Variants in MYH11 observed in about 807,000 individuals in gnomAD.
MYH11 encodes the protein myosin heavy chain 11.
A neutral mutation model predicts 246.6 loss-of-function variants in MYH11; 80 were observed. The ratio of observed to expected loss-of-function variants is 0.32; its 90% CI spans 0.27 to 0.39. The LOEUF (loss-of-function observed/expected upper bound fraction) is 0.39. Among genes scored for constraint, MYH11 ranks in the 10% least tolerant of loss-of-function variants. The pLI, the probability that MYH11 is intolerant of heterozygous loss-of-function variation, is 1.00. For synonymous variants in MYH11, 1,071 were observed against 1,015.5 expected, an observed-to-expected ratio of 1.05 and a Z score of -1.04; for missense variants, 2,158 against 2,546.8, an observed-to-expected ratio of 0.85 and a Z score of 3.29.
intron 2 of MYH11, among the ~76,000 whole-genome samples, chr16:15,824,936 A>T (rs895396568): frequency 2.0e-5 from 3 of 152,176 alleles, no homozygotes; most frequent in Admixed American, 2.0e-4. Flanking sequence ...TCACCAGGTT[A>T]CACAGCTGGA....
intron 3 of MYH11, among the ~76,000 whole-genome samples, chr16:15,818,258 T>C (rs2043311189): frequency 4.6e-5 from 7 of 151,604 alleles, no homozygotes; most frequent in Admixed American, 3.3e-4. Flanking sequence ...CGCAGCCCAG[T>C]GACTTAACAG....
At chr16:15,715,423 C>A (rs1032103033) in intron 38 of MYH11, 151 bp from the exon 39 acceptor site, 69 of 743,278 alleles carry the variant, frequency 9.3e-5, no homozygotes, top group Admixed American at 4.1e-5. Flanking sequence ...TAGTATTCAG[C>A]CATGAAAAGG....
At chr16:15,840,218 A>G (rs528497854) in intron 1 of MYH11, among the ~76,000 whole-genome samples, 24 of 152,352 alleles carry the variant, frequency 1.6e-4, no homozygotes, top group African/African-American at 5.8e-4. Flanking sequence ...AAAACTCATT[A>G]AGAATGTTCT....
Position 15,721,352 on chromosome 16 carries a change from T to C in MYH11, c.4578+70A>G, listed in dbSNP as rs1044210791. The stretch of plus-strand genomic sequence containing the variant: ...AAAAAGGCCAGGAGCTAGCCTCGCA[T>C]GGACTGGTGAATAGCACAGAGGGTG... On this transcript the variant is annotated intron_variant, in intron 32 of 40. Coordinates refer to ENST00000300036, the MANE Select transcript of MYH11 (RefSeq NM_002474.3). 8 of 1,525,070 alleles carry C rather than the reference T, an allele frequency of 5.2e-6. No homozygotes were observed. In the Admixed American group the frequency reaches 1.2e-4, roughly 22 times the overall value. 94.5% of individuals were successfully genotyped at this position (1,525,070 alleles called of 1,614,324 possible). A position where few individuals can be genotyped will look rare whatever the true frequency, so the allele number is the denominator to read the frequency against.
intron 20 of MYH11, 189 bp from the exon 21 acceptor site, chr16:15,742,080 A>C: frequency 1.2e-6 from 1 of 810,740 alleles, no homozygotes; most frequent in South Asian, 1.5e-5. Flanking sequence ...CAGTGGGTAG[A>C]GGCCAGGGAT....
At chr16:15,739,970 G>A (rs2041224911) in intron 23 of MYH11, 81 bp downstream of exon 23, 1 of 1,473,526 alleles carries the variant, frequency 6.8e-7, no homozygotes, top group East Asian at 2.3e-5. Context: ...TCAAACTCCT[G>A]GCCTCAAGTG....
intron 6 of MYH11, 66 bp downstream of exon 6, chr16:15,782,319 C>T: frequency 1.4e-6 from 2 of 1,414,106 alleles, no homozygotes; most frequent in Non-Finnish European, 1.0e-6. Context: ...CGCAAACACT[C>T]TGCAGCCCCA....
chr16:15,794,670 G>A (rs1256808377), intron 4 of MYH11, among the ~76,000 whole-genome samples: 2 of 152,224 alleles, frequency 1.3e-5, no homozygotes, highest in African/African-American at 4.8e-5. Context: ...GGGGAAGGGA[G>A]GAGAGGGGAG....
chr16:15,855,014 G>A (rs920114714), intron 1 of MYH11, among the ~76,000 whole-genome samples: 5 of 152,182 alleles, frequency 3.3e-5, no homozygotes, highest in Admixed American at 6.5e-5. Flanking sequence ...GGTAACTGAC[G>A]AGGGGGCCGG....
chr16:15,830,781 G>A (rs1159620970), intron 2 of MYH11, among the ~76,000 whole-genome samples: 1 of 152,132 alleles, frequency 6.6e-6, no homozygotes, highest in Non-Finnish European at 1.5e-5. Flanking sequence ...AGGAGGCTGG[G>A]GCGGGATGAT....
At chr16:15,764,039 G>T in intron 9 of MYH11, 148 bp from the exon 10 acceptor site, 1 of 716,412 alleles carries the variant, frequency 1.4e-6, no homozygotes, top group African/African-American at 1.7e-5. Context: ...TTTTCATATG[G>T]TTGCTTAAAA....
chr16:15,780,948 G>T, intron 6 of MYH11, among the ~76,000 whole-genome samples: 1 of 152,206 alleles, frequency 6.6e-6, no homozygotes, highest in East Asian at 1.9e-4. Flanking sequence ...CATCATCAGT[G>T]CCTGAACTTG....
In MYH11 at chr16:15,735,471, C is replaced by T. The variant is rs1396472563; in HGVS notation, c.3401G>A (p.Arg1134Lys). The T allele has an allele frequency of 6.2e-7, 1 of 1,614,112 alleles. No individual in the cohort carries two copies. Among genetic ancestry groups the T allele is most frequent in the Non-Finnish European group, 8.5e-7 (1 of 1,180,026 alleles). ...TCGCTTCTGCTTTTCAGCCTTGTTC[C>T]TGGCGGCCCGCTCTGAGTCCAGGTC... ...QEDLDSERAARNKAEKQKRDL... is the reference protein window; with the variant it reads ...QEDLDSERAAKNKAEKQKRDL... The change falls in exon 26 of 41, where the codon AGG becomes AAG. Residue 1134 changes from arginine (R) to lysine (K), a missense_variant. By Grantham distance (26) the Arg-to-Lys change is conservative (BLOSUM62 2). Coordinates refer to ENST00000300036, the MANE Select transcript of MYH11 (RefSeq NM_002474.3).
intron 1 of MYH11, among the ~76,000 whole-genome samples, chr16:15,854,662 G>T (rs2044416477): frequency 1.3e-5 from 2 of 152,168 alleles, no homozygotes; most frequent in African/African-American, 2.4e-5. Flanking sequence ...TGCGGGAGAT[G>T]ATTTTTAAAT....
intron 15 of MYH11, among the ~76,000 whole-genome samples, chr16:15,752,902 A>G (rs956294822): frequency 1.3e-5 from 2 of 152,172 alleles, no homozygotes; most frequent in Admixed American, 6.5e-5. Context: ...AAAGCCTTCC[A>G]GGGGGTCATG....
At chr16:15,782,011 C>G (rs568422140) in intron 6 of MYH11, among the ~76,000 whole-genome samples, 2 of 152,068 alleles carry the variant, frequency 1.3e-5, no homozygotes, top group Non-Finnish European at 2.9e-5. Flanking sequence ...ATATAAGGGT[C>G]TAGCCCATAC....
intron 2 of MYH11, among the ~76,000 whole-genome samples, chr16:15,827,206 G>T (rs1328912228): frequency 6.6e-6 from 1 of 152,094 alleles, no homozygotes; most frequent in Non-Finnish European, 1.5e-5. Context: ...ACTTAAATCA[G>T]AGGGGGAGAC....
chr16:15,818,306 T>C (rs2043312556), intron 3 of MYH11, among the ~76,000 whole-genome samples: 1 of 152,184 alleles, frequency 6.6e-6, no homozygotes, highest in Admixed American at 6.5e-5. Flanking sequence ...GTCAACACAC[T>C]GGGCCTACGT....
chr16:15,802,640 G>T (rs1277965952), intron 3 of MYH11, among the ~76,000 whole-genome samples: 1 of 152,118 alleles, frequency 6.6e-6, no homozygotes, highest in Non-Finnish European at 1.5e-5. Context: ...GTAGAGATTG[G>T]GTCTTGCTAT....
Sources: allele counts gnomAD v4.1 joint callset (sites outside exome capture counted in the v4.1 genomes callset), GRCh38; gene constraint gnomAD v4.1.1; transcripts MANE v1.5; gene names NCBI Gene and HGNC (gene_info 2026-07-23, HGNC 2026-07-21).